The following HPSE2 variants were observed in gnomAD, a reference collection of about 807,000 sequenced individuals.
The protein encoded by HPSE2 is heparanase 2 (inactive).
A neutral mutation model predicts 60.5 loss-of-function variants in HPSE2; 38 were observed. The ratio of observed to expected loss-of-function variants is 0.63; its 90% confidence interval spans 0.48 to 0.82. The LOEUF is 0.82. Among genes scored for constraint, HPSE2 ranks in the 40% least tolerant of loss-of-function variants. The pLI is 0.00. For synonymous variants in HPSE2, 295 were observed against 293.2 expected (o/e 1.01, Z -0.06); for missense variants, 713 against 740.4 (o/e 0.96, Z 0.43).
intron 2 of HPSE2, among the ~76,000 whole-genome samples, chr10:99,225,633 T>C (rs1849447743): frequency 6.6e-6 from 1 of 152,008 alleles, no homozygotes; most frequent in South Asian, 2.1e-4. Flanking sequence ...CACAGTTTAG[T>C]TAGAGGGAGG....
the HPSE2 span, among the ~76,000 whole-genome samples, chr10:99,294,399 T>A: frequency 6.8e-6 from 1 of 146,718 alleles, no homozygotes; most frequent in African/African-American, 2.5e-5. Flanking sequence ...ATATATAATA[T>A]ATAAATATAT....
intron 3 of HPSE2, among the ~76,000 whole-genome samples, chr10:98,751,300 G>A (rs948073367): frequency 6.6e-6 from 1 of 152,108 alleles, no homozygotes; most frequent in Non-Finnish European, 1.5e-5. Context: ...CCATAGAAAT[G>A]ATGGAGCAAC....
chr10:98,987,548 G>A (rs1956397562), intron 3 of HPSE2, among the ~76,000 whole-genome samples: 1 of 152,126 alleles, frequency 6.6e-6, no homozygotes, highest in South Asian at 2.1e-4. Flanking sequence ...TACTGAATGG[G>A]CAAAAACTGG....
rs769456402 is a variant in HPSE2 at position 98,933,876 on chromosome 10, C to T, written c.611-189820G>A. ...CCTCCCGAGTAGCTGGGACTACAGG[C>T]GCCCACCACCACACCCGGCTAATGT... On this transcript the variant is annotated intron_variant, in intron 3 of 11. Coordinates refer to ENST00000370552, the MANE Select transcript of HPSE2 (RefSeq NM_021828.5). 3.8e-4 allele frequency among the ~76,000 whole-genome samples: 54 copies of T among 141,320 alleles called. 5 individuals are homozygous for T. The highest frequency in any genetic ancestry group is 8.5e-4 in the Admixed American group (12 of 14,190). The allele number at this position is 141,320 out of a possible 152,430, so 92.7% of individuals were successfully genotyped here. A position where few individuals can be genotyped will look rare whatever the true frequency, so the allele number is the denominator to read the frequency against.
At chr10:98,545,604 AC>A (rs1461408999) in intron 9 of HPSE2, among the ~76,000 whole-genome samples, 14 of 152,058 alleles carry the variant, frequency 9.2e-5, no homozygotes, top group African/African-American at 3.1e-4. Context: ...AAATTCAACA[AC>A]CCTTCATGCT....
intron 3 of HPSE2, among the ~76,000 whole-genome samples, chr10:99,029,339 C>A (rs553778281): frequency 2.6e-5 from 4 of 152,260 alleles, no homozygotes; most frequent in Middle Eastern, 6.8e-3. Context: ...GGGTCTCTCC[C>A]CATGTGCGGT....
chr10:99,100,938 A>C (rs539845426), intron 3 of HPSE2, among the ~76,000 whole-genome samples: 53 of 151,932 alleles, frequency 3.5e-4, no homozygotes, highest in Non-Finnish European at 4.4e-5. Flanking sequence ...ACACAAGCAA[A>C]GGCTGATTTT....
chr10:99,120,314 G>A (rs898242425), intron 3 of HPSE2, among the ~76,000 whole-genome samples: 2 of 152,092 alleles, frequency 1.3e-5, no homozygotes, highest in African/African-American at 2.4e-5. Context: ...CATATATGTG[G>A]CCAATAATCC....
chr10:98,550,021 G>C (rs560279643), intron 9 of HPSE2, among the ~76,000 whole-genome samples: 31 of 152,258 alleles, frequency 2.0e-4, no homozygotes, highest in African/African-American at 7.0e-4. Flanking sequence ...TGCATTTCTT[G>C]CTGCACTTAA....
Position 98,928,983 on chromosome 10 carries a change from TATA to T in HPSE2, c.611-184930_611-184928del, listed in dbSNP as rs1200875286. Among the ~76,000 whole-genome samples, 3 of 90,716 alleles carry T rather than the reference TATA, an allele frequency of 3.3e-5. 1 individual carries two copies. In the East Asian group the frequency reaches 9.4e-4, roughly 28 times the overall value. 59.5% of individuals were successfully genotyped at this position (90,716 alleles called of 152,430 possible). ...TGCACATGTACCCTAAAACTTAAAG[TATA>T]ATAATAAATAAATAAATAAATAAAT... On this transcript the variant is annotated intron_variant, in intron 3 of 11. Transcript: ENST00000370552.
intron 3 of HPSE2, among the ~76,000 whole-genome samples, chr10:98,966,088 A>G (rs573009346): frequency 4.7e-4 from 72 of 152,088 alleles, no homozygotes; most frequent in Non-Finnish European, 9.0e-4. Flanking sequence ...ACAGGGTTTC[A>G]CCAAGTTGGC....
intron 3 of HPSE2, among the ~76,000 whole-genome samples, chr10:99,105,222 A>G (rs935588937): frequency 3.3e-5 from 5 of 152,112 alleles, no homozygotes; most frequent in South Asian, 2.1e-4. Context: ...TGTAACAGAT[A>G]GTATTTATGT....
At chr10:99,278,620 T>C in the HPSE2 span, among the ~76,000 whole-genome samples, 3 of 152,210 alleles carry the variant, frequency 2.0e-5, no homozygotes, top group African/African-American at 4.8e-5. Flanking sequence ...GGCTTCTGTT[T>C]ATCAGGATGA....
chr10:98,769,213 C>A (rs190778624), intron 3 of HPSE2, among the ~76,000 whole-genome samples: 3 of 152,210 alleles, frequency 2.0e-5, no homozygotes, highest in Admixed American at 1.3e-4. Flanking sequence ...CTCAAGAGAT[C>A]ATATCATCAC....
the HPSE2 span, among the ~76,000 whole-genome samples, chr10:99,264,616 T>C: frequency 0.11 from 16,106 of 152,178 alleles, 911 homozygotes; most frequent in South Asian, 0.19. Flanking sequence ...AATAATTACA[T>C]TGAACCCCCT....
intron 3 of HPSE2, among the ~76,000 whole-genome samples, chr10:99,100,480 T>A (rs939908088): frequency 3.3e-5 from 5 of 151,862 alleles, no homozygotes; most frequent in Non-Finnish European, 7.4e-5. Context: ...CTCCAAGAAA[T>A]AGGGGACTAT....
At chr10:99,222,511 T>C (rs1030378945) in intron 2 of HPSE2, among the ~76,000 whole-genome samples, 3 of 152,182 alleles carry the variant, frequency 2.0e-5, no homozygotes, top group East Asian at 1.9e-4. Context: ...TAAGTCAGAG[T>C]ATGGTTCAGT....
chr10:99,020,567 T>G (rs1029053854), intron 3 of HPSE2, among the ~76,000 whole-genome samples: 8 of 152,242 alleles, frequency 5.3e-5, no homozygotes, highest in African/African-American at 1.9e-4. Flanking sequence ...CCAAGTTTTT[T>G]ACCTCCTTTT....
At chr10:98,711,748 A>G (rs894647178) in intron 5 of HPSE2, among the ~76,000 whole-genome samples, 9 of 152,154 alleles carry the variant, frequency 5.9e-5, no homozygotes, top group African/African-American at 2.2e-4. Flanking sequence ...ATATTTGTGC[A>G]CCTACATTCT....
Sources: gnomAD v4.1 joint callset for allele counts (sites outside exome capture counted in the v4.1 genomes callset) on GRCh38, gnomAD v4.1.1 for gene constraint, MANE v1.5 for transcripts, NCBI Gene and HGNC (gene_info 2026-07-23, HGNC 2026-07-21) for gene names.